TM4SF4: variants seen among roughly 807,000 people sequenced by gnomAD.
TM4SF4 encodes transmembrane 4 L6 family member 4.
TM4SF4 carries 24 observed loss-of-function variants against 24.1 expected under a neutral mutation model. The observed-to-expected ratio is 1.00, with a 90% CI of 0.72 to 1.40. The LOEUF (loss-of-function observed/expected upper bound fraction) is 1.40. Ranked by LOEUF, TM4SF4 falls within the 40% of genes most tolerant of loss-of-function variation. The probability of loss-of-function intolerance (pLI) is 0.00; values close to 1 mark genes in which losing one functional copy is unlikely to be tolerated. For synonymous variants in TM4SF4, 113 were observed against 97.0 expected (o/e 1.17, Z -0.97); for missense variants, 254 against 254.2 (o/e 1.00, Z 0.01).
chr3:149,476,825 T>G lies in TM4SF4; in HGVS notation c.264+913T>G, dbSNP rs1733940182. Among the ~76,000 whole-genome samples the G allele has an allele frequency of 3.7e-5, 5 of 136,386 alleles. No individual in the cohort carries two copies. The South Asian group carries it at 9.0e-4, about 25-fold the overall frequency. The allele number at this position is 136,386 out of a possible 152,430, so 89.5% of individuals were successfully genotyped here. A position where few individuals can be genotyped will look rare whatever the true frequency, so the allele number is the denominator to read the frequency against. On this transcript the variant is annotated intron_variant, in intron 2 of 4. Coordinates refer to ENST00000305354, the MANE Select transcript of TM4SF4 (RefSeq NM_004617.4). ...TTGTTTTTGTTTTTGTTTTTTTTTTTTTTTTTGAGACAGGGTCTCACTCTG... is the reference window on the plus strand; with the variant it reads ...TTGTTTTTGTTTTTGTTTTTTTTTTGTTTTTTGAGACAGGGTCTCACTCTG...
At position 149,498,878 on chromosome 3, in the gene TM4SF4, C is replaced by G. The variant is rs373214941; in HGVS notation, c.558C>G (p.Leu186=). 4.3e-6 allele frequency: 7 copies of G among 1,613,824 alleles called. No individual in the cohort carries two copies. The highest frequency in any genetic ancestry group is 5.9e-6 in the Non-Finnish European group (7 of 1,179,874). The stretch of plus-strand genomic sequence containing the variant: ...TGGTCAATGGCCTCCTGGGGACCCT[C>G]TGTGGGGACTGCCAGTGTTGTGGCT... ...IQVVNGLLGT[L]CGDCQCCGCC... Residue 186 remains leucine, a synonymous_variant, in exon 4 of 5, where the codon CTC becomes CTG. Transcript: ENST00000305354.
At chr3:149,475,795 C>G (rs764169284) in intron 1 of TM4SF4, 28 bp from the exon 2 acceptor site, 4 of 1,582,250 alleles carry the variant, frequency 2.5e-6, no homozygotes, top group Admixed American at 1.8e-5. Flanking sequence ...CTCCTGGACT[C>G]TCTCTGAGGT....
chr3:149,493,767 G>T (rs930804756), intron 3 of TM4SF4, among the ~76,000 whole-genome samples: 3 of 152,200 alleles, frequency 2.0e-5, no homozygotes, highest in Non-Finnish European at 2.9e-5. Flanking sequence ...GGGTCCAGGG[G>T]CTCTGTACAA....
intron 2 of TM4SF4, among the ~76,000 whole-genome samples, chr3:149,479,366 C>CTTTTT (rs62958360): frequency 7.2e-6 from 1 of 139,262 alleles, no homozygotes; most frequent in Non-Finnish European, 1.5e-5. Context: ...CTTTTCTTTT[C>CTTTTT]TTTTTTTTTT....
intron 2 of TM4SF4, among the ~76,000 whole-genome samples, chr3:149,481,008 C>T (rs894336889): frequency 3.3e-5 from 5 of 151,938 alleles, no homozygotes; most frequent in Non-Finnish European, 5.9e-5. Context: ...TTACAGGCGC[C>T]GGCCACCACG....
intron 3 of TM4SF4, among the ~76,000 whole-genome samples, chr3:149,491,234 C>T (rs1734204205): frequency 6.8e-6 from 1 of 147,304 alleles, no homozygotes; most frequent in Admixed American, 7.2e-5. Context: ...TTGCTTGAGC[C>T]CAGGAGTTCA....
chr3:149,491,525 A>G (rs1734210517), intron 3 of TM4SF4, among the ~76,000 whole-genome samples: 1 of 152,008 alleles, frequency 6.6e-6, no homozygotes, highest in Non-Finnish European at 1.5e-5. Context: ...ACACACACAC[A>G]TTTATATATC....
At chr3:149,480,222 T>C (rs925373694) in intron 2 of TM4SF4, among the ~76,000 whole-genome samples, 1 of 152,194 alleles carries the variant, frequency 6.6e-6, no homozygotes, top group Non-Finnish European at 1.5e-5. Flanking sequence ...AGCATGTCGG[T>C]GGCTGGTCAG....
rs545505187 is a variant in TM4SF4 at position 149,483,138 on chromosome 3, C to A, written c.265-4481C>A. On this transcript the variant is annotated intron_variant, in intron 2 of 4. Coordinates refer to ENST00000305354, the MANE Select transcript of TM4SF4 (RefSeq NM_004617.4). ...CCATATGTCAACAAATGTTTCCAGA[C>A]CACTCAGAACCTATTTCTGAAAGGG... Among the ~76,000 whole-genome samples the A allele has an allele frequency of 6.7e-4, 91 of 135,554 alleles. 1 individual carries two copies. The highest frequency in any genetic ancestry group is 1.5e-4 in the Non-Finnish European group (9 of 58,996). The allele number at this position is 135,554 out of a possible 152,430, so 88.9% of individuals were successfully genotyped here.
intron 2 of TM4SF4, 58 bp from the exon 3 acceptor site, chr3:149,487,561 T>TTGAGTGTA: frequency 6.2e-7 from 1 of 1,604,716 alleles, no homozygotes; most frequent in Middle Eastern, 1.7e-4. Context: ...ATTAGGTTTG[T>TTGAGTGTA]TGAGTGTATC....
chr3:149,487,590 A>ATGTGAC, intron 2 of TM4SF4, 29 bp from the exon 3 acceptor site: 1 of 1,613,668 alleles, frequency 6.2e-7, no homozygotes, highest in Non-Finnish European at 8.5e-7. Context: ...CACCTGGAGA[A>ATGTGAC]TGTGACTGTC....
intron 2 of TM4SF4, among the ~76,000 whole-genome samples, chr3:149,487,138 C>T (rs1734130555): frequency 6.6e-6 from 1 of 152,086 alleles, no homozygotes; most frequent in Non-Finnish European, 1.5e-5. Flanking sequence ...GCCTGTAACC[C>T]CAGCTACTCA....
At chr3:149,477,803 AT>A (rs1733958448) in intron 2 of TM4SF4, among the ~76,000 whole-genome samples, 1 of 152,168 alleles carries the variant, frequency 6.6e-6, no homozygotes, top group Non-Finnish European at 1.5e-5. Flanking sequence ...TTTATAACTT[AT>A]TTTCCCCTTG....
chr3:149,474,928 T>G lies in TM4SF4; in HGVS notation c.51T>G (p.Leu17=), dbSNP rs1289202141. ...ARCLGGTLIP[L]AFFGFLANIL... The stretch of plus-strand genomic sequence containing the variant: ...GCCTGGGGGGGACCCTCATTCCCCT[T>G]GCTTTTTTTGGCTTCCTGGCTAACA... The change falls in exon 1 of 5, where the codon CTT becomes CTG. Residue 17 remains leucine, a synonymous_variant. Coordinates refer to ENST00000305354, the MANE Select transcript of TM4SF4 (RefSeq NM_004617.4). 6.2e-7 allele frequency: 1 copy of G among 1,614,004 alleles called. No homozygotes were observed. The highest frequency in any genetic ancestry group is 1.1e-5 in the South Asian group (1 of 91,078).
At position 149,481,235 on chromosome 3, in the gene TM4SF4, A is replaced by T. The variant is rs114926583; in HGVS notation, c.264+5323A>T. On this transcript the variant is annotated intron_variant, in intron 2 of 4. Coordinates refer to ENST00000305354, the MANE Select transcript of TM4SF4 (RefSeq NM_004617.4). ...CTGGCAGTTACTGTCTCTCATAAGG[A>T]TGTTGTAAGTTCTAGGGGAAGATTT... is the stretch of plus-strand genomic sequence containing the variant. Among the ~76,000 whole-genome samples the T allele has an allele frequency of 3.5e-3, 534 of 151,912 alleles. 5 individuals carry two copies. Among genetic ancestry groups the T allele is most frequent in the African/African-American group, 0.013 (519 of 41,432 alleles).
rs779203012 is a variant in TM4SF4, at chr3:149,502,669, C to T, written c.592-7C>T. On this transcript the variant is annotated splice_region_variant and splice_polypyrimidine_tract_variant and intron_variant, in intron 4 of 4. Transcript: ENST00000305354. The stretch of plus-strand genomic sequence containing the variant: ...ATCATAGTTAATTCACCTTTTCTAC[C>T]TTCTAGGGAGATGGACCCGTTTAAA... 6.2e-7 allele frequency: 1 copy of T among 1,602,834 alleles called. No homozygotes were observed. Among genetic ancestry groups the T allele is most frequent in the East Asian group, 2.2e-5 (1 of 44,736 alleles).
At chr3:149,502,560 A>G in intron 4 of TM4SF4, 116 bp from the exon 5 acceptor site, 9 of 775,946 alleles carry the variant, frequency 1.2e-5, no homozygotes, top group East Asian at 2.5e-5. Context: ...GAAACATTCA[A>G]TAGGCAACCA....
At chr3:149,499,144 T>C (rs1346763116) in intron 4 of TM4SF4, among the ~76,000 whole-genome samples, 1 of 152,154 alleles carries the variant, frequency 6.6e-6, no homozygotes, top group Non-Finnish European at 1.5e-5. Context: ...CAGGCTGAAG[T>C]TGGCCATAAT....
chr3:149,486,567 C>T (rs1734120211), intron 2 of TM4SF4, among the ~76,000 whole-genome samples: 2 of 152,192 alleles, frequency 1.3e-5, no homozygotes, highest in African/African-American at 4.8e-5. Context: ...GTTAACCTAG[C>T]TGGGTTCCAG....
Sources: allele counts gnomAD v4.1 joint callset (sites outside exome capture counted in the v4.1 genomes callset), GRCh38; gene constraint gnomAD v4.1.1; transcripts MANE v1.5; gene names NCBI Gene and HGNC (gene_info 2026-07-23, HGNC 2026-07-21).